Variants in GRN observed in about 807,000 individuals in gnomAD.
The protein encoded by GRN is progranulin.
GRN carries 30 observed loss-of-function variants against 66.7 expected under a neutral mutation model. The ratio of observed to expected loss-of-function variants is 0.45; its 90% CI spans 0.34 to 0.61. The LOEUF is 0.61. Ranked by LOEUF, GRN falls within the 20% of genes least tolerant of loss-of-function variation. The pLI, the probability that GRN is intolerant of heterozygous loss-of-function variation, is 0.01. For missense variants in GRN, 731 were observed against 803.5 expected (o/e 0.91, Z 1.09); for synonymous variants, 327 against 311.1 (o/e 1.05, Z -0.54).
rs1316528505 is a variant in GRN at position 44,345,310 on chromosome 17, C to T, written c.-32C>T. Reference sequence around the variant, plus strand: ...CTGAGCGCTACCCGGTTGCTGCTGCCCAAGGACCGCGGAGTCGGACGCAGG... The same window carrying T: ...CTGAGCGCTACCCGGTTGCTGCTGCTCAAGGACCGCGGAGTCGGACGCAGG... On this transcript the variant is annotated 5_prime_UTR_variant, in exon 1 of 13. Transcript: ENST00000053867. 6.6e-6 allele frequency: 1 copy of T among 152,382 alleles called. No individual in the cohort carries two copies. Among genetic ancestry groups the T allele is most frequent in the African/African-American group, 2.4e-5 (1 of 41,464 alleles). 9.4% of individuals were successfully genotyped at this position (152,382 alleles called of 1,614,324 possible).
Position 44,350,431 on chromosome 17 carries a change from T to C in GRN, c.463-11T>C. ...GGGGGTGAAGACGGAGTCAGGACCA[T>C]TTTTTCTCAGGCTTCCTGCTGTGAA... On this transcript the variant is annotated splice_polypyrimidine_tract_variant and intron_variant, in intron 5 of 12. Transcript: ENST00000053867. The C allele has an allele frequency of 1.9e-6, 3 of 1,613,742 alleles. No individual in the cohort carries two copies. The highest frequency in any genetic ancestry group is 2.2e-5 in the South Asian group (2 of 91,068).
Sources: gnomAD v4.1 joint callset for allele counts on GRCh38, gnomAD v4.1.1 for gene constraint, MANE v1.5 for transcripts, NCBI Gene and HGNC (gene_info 2026-07-23, HGNC 2026-07-21) for gene names.